HELB: variants seen among roughly 807,000 people sequenced by gnomAD.
HELB encodes DNA 5'-3' helicase B.
Under a neutral mutation model 101.7 loss-of-function variants are expected in HELB, and 96 were observed. The ratio of observed to expected loss-of-function variants is 0.94; its 90% CI spans 0.80 to 1.12. The LOEUF (loss-of-function observed/expected upper bound fraction) is 1.12, where lower values mean the gene tolerates loss of function less well. Among genes scored for constraint, HELB ranks in the 50% most tolerant of loss-of-function variants. The probability of loss-of-function intolerance (pLI) is 0.00; values close to 1 mark genes in which losing one functional copy is unlikely to be tolerated. For synonymous variants in HELB, 437 were observed against 459.7 expected, an observed-to-expected ratio of 0.95 and a Z score of 0.63; for missense variants, 1,210 against 1,291.9, an observed-to-expected ratio of 0.94 and a Z score of 0.97.
chr12:66,316,562 A>T (rs1478615984), intron 6 of HELB, among the ~76,000 whole-genome samples: 1 of 120,156 alleles, frequency 8.3e-6, no homozygotes, highest in Non-Finnish European at 1.8e-5. Context: ...ATAGCTGATA[A>T]GCTAAAATAA....
intron 4 of HELB, 28 bp downstream of exon 4, chr12:66,310,636 A>T: frequency 6.3e-7 from 1 of 1,583,732 alleles, no homozygotes; most frequent in Middle Eastern, 1.7e-4. Flanking sequence ...TCATCTGTAG[A>T]TAAAACATTT....
intron 7 of HELB, among the ~76,000 whole-genome samples, chr12:66,319,401 A>C (rs975765679): frequency 6.6e-6 from 1 of 152,208 alleles, no homozygotes; most frequent in Non-Finnish European, 1.5e-5. Context: ...CATTTGTAAA[A>C]TGGGAACCAT....
At chr12:66,320,199 T>A (rs1332396009) in intron 7 of HELB, among the ~76,000 whole-genome samples, 6 of 148,660 alleles carry the variant, frequency 4.0e-5, no homozygotes, top group East Asian at 2.0e-4. Context: ...TTATACTCTT[T>A]AAAAAAAAAA....
At chr12:66,333,971 G>A (rs941751945) in intron 12 of HELB, among the ~76,000 whole-genome samples, 4 of 151,948 alleles carry the variant, frequency 2.6e-5, no homozygotes, top group African/African-American at 9.7e-5. Context: ...ACCAGCCTGG[G>A]TAATATGGTG....
intron 4 of HELB, among the ~76,000 whole-genome samples, chr12:66,313,071 G>T (rs1232750061): frequency 6.6e-6 from 1 of 152,126 alleles, no homozygotes; most frequent in Admixed American, 6.6e-5. Flanking sequence ...TAAGAGAAAA[G>T]AAATGGCTAA....
intron 12 of HELB, among the ~76,000 whole-genome samples, chr12:66,335,124 G>A (rs1005064599): frequency 5.3e-5 from 8 of 152,294 alleles, no homozygotes; most frequent in Middle Eastern, 3.4e-3. Flanking sequence ...GCGTTCTCTT[G>A]TGGCGTGCTG....
chr12:66,316,478 GTC>G (rs1429897043), intron 6 of HELB, among the ~76,000 whole-genome samples: 2 of 152,030 alleles, frequency 1.3e-5, no homozygotes, highest in Admixed American at 6.6e-5. Flanking sequence ...AGGGTGTCCA[GTC>G]TTTTGGCTTC....
chr12:66,318,759 A>G lies in HELB; in HGVS notation c.2122A>G (p.Ser708Gly). The G allele has an allele frequency of 1.2e-6, 2 of 1,610,070 alleles. No homozygotes were observed. The highest frequency in any genetic ancestry group is 2.2e-5 in the East Asian group (1 of 44,670). Reference sequence around the variant, plus strand: ...TGTCAGGCTCCCAGAAGAGGATGCCAGTTCTCAGTCATCTAAAACTAATCA... The same window carrying G: ...TGTCAGGCTCCCAGAAGAGGATGCCGGTTCTCAGTCATCTAAAACTAATCA... ...IFVRLPEEDASSQSSKTNHHS... is the reference protein window; with the variant it reads ...IFVRLPEEDAGSQSSKTNHHS... Residue 708 changes from serine (S) to glycine (G), a missense_variant, in exon 7 of 13, where the codon AGT becomes GGT. Transcript: ENST00000247815.
chr12:66,309,771 G>A lies in HELB; in HGVS notation c.843G>A (p.Glu281=). ...EASWIAFCQC[E]SLLQLMTDLE... ...GTTGGATAGCATTTTGTCAGTGTGA[G>A]TCTCTTCTCCAGCTGATGACTGATT... The change falls in exon 4 of 13, where the codon GAG becomes GAA. Residue 281 remains glutamate, a synonymous_variant. Coordinates refer to ENST00000247815, the MANE Select transcript of HELB (RefSeq NM_001370285.1). 3.1e-6 allele frequency: 5 copies of A among 1,614,094 alleles called. No individual in the cohort carries two copies. The highest frequency in any genetic ancestry group is 4.2e-6 in the Non-Finnish European group (5 of 1,179,964).
rs1248607917 is a variant in HELB at position 66,331,252 on chromosome 12, G to A, written c.2769G>A (p.Val923=). 5 of 1,614,140 alleles carry A rather than the reference G, an allele frequency of 3.1e-6. No individual in the cohort carries two copies. In the African/African-American group the frequency reaches 6.7e-5, roughly 22 times the overall value. The change falls in exon 12 of 13, where the codon GTG becomes GTA. Residue 923 remains valine (V), a synonymous_variant. Coordinates refer to ENST00000247815, the MANE Select transcript of HELB (RefSeq NM_001370285.1). ...YTAVTRGRCR[V]YVIAEESQLR... Reference sequence around the variant, plus strand: ...CCGTGACCAGGGGCCGCTGCCGAGTGTATGTGATTGCAGAGGAGTCTCAGC... The same window carrying A: ...CCGTGACCAGGGGCCGCTGCCGAGTATATGTGATTGCAGAGGAGTCTCAGC...
Position 66,314,039 on chromosome 12 carries a change from A to C in HELB, c.1734A>C (p.Pro578=), listed in dbSNP as rs2053572595. The C allele has an allele frequency of 6.2e-7, 1 of 1,613,846 alleles. No homozygotes were observed. The highest frequency in any genetic ancestry group is 1.1e-5 in the South Asian group (1 of 91,084). The change falls in exon 5 of 13, where the codon CCA becomes CCC. Residue 578 remains proline (P), a synonymous_variant. Transcript: ENST00000247815. ...WTQTMMTTNK[P]WKFSSVRVLV... ...AAACAATGATGACCACAAACAAACC[A>C]TGGAAATTTTCTTCGGTTAGAGTTC...
chr12:66,314,214 T>A (rs769362904), intron 5 of HELB, 51 bp downstream of exon 5: 19 of 1,520,558 alleles, frequency 1.2e-5, no homozygotes, highest in Non-Finnish European at 1.6e-5. Context: ...AGTATTGTGG[T>A]TAGTTGGTTG....
intron 1 of HELB, among the ~76,000 whole-genome samples, chr12:66,303,757 C>T (rs911603548): frequency 3.9e-5 from 6 of 152,122 alleles, no homozygotes; most frequent in Admixed American, 1.3e-4. Flanking sequence ...AAGTAGTTTC[C>T]TGTGCTATGA....
intron 11 of HELB, among the ~76,000 whole-genome samples, chr12:66,325,388 C>G (rs2053725244): frequency 6.6e-6 from 1 of 152,190 alleles, no homozygotes; most frequent in African/African-American, 2.4e-5. Context: ...TCCAGTATGG[C>G]TTGGCATGGC....
At position 66,310,477 on chromosome 12, in the gene HELB, TG is replaced by T. The variant is rs2053530318; in HGVS notation, c.1551del (p.Trp517Ter). 1 of 1,613,992 alleles carries T rather than the reference TG, an allele frequency of 6.2e-7. No homozygotes were observed. Among genetic ancestry groups the T allele is most frequent in the Non-Finnish European group, 8.5e-7 (1 of 1,180,016 alleles). On this transcript the variant is annotated frameshift_variant, in exon 4 of 13. Coordinates refer to ENST00000247815, the MANE Select transcript of HELB (RefSeq NM_001370285.1). LOFTEE classifies it high-confidence loss of function. The stretch of plus-strand genomic sequence containing the variant: ...ACAAGACCAGAATGCTTCAGAAGAA[TG>T]GATTACCTTTACTGAGCAAAGTCAA... Reference protein sequence around the residue: ...FEQDQNASEEWITFTEQSQLE... With the variant: ...FEQDQNASEEXITFTEQSQLE...
At chr12:66,341,641 T>C (rs1183272), downstream of HELB, 76,645 of 151,968 alleles carry the variant, frequency 0.5, 19,882 homozygotes, top group East Asian at 0.58. Flanking sequence ...GTATCTGATA[T>C]GGTTTGGCTC....
chr12:66,306,663 C>T, intron 3 of HELB, 149 bp downstream of exon 3: 1 of 431,954 alleles, frequency 2.3e-6, no homozygotes, highest in Non-Finnish European at 4.1e-6. Flanking sequence ...TGTACATAAA[C>T]TTCTTATGGC....
intron 12 of HELB, among the ~76,000 whole-genome samples, chr12:66,335,977 A>G (rs2053862462): frequency 6.6e-6 from 1 of 152,190 alleles, no homozygotes; most frequent in South Asian, 2.1e-4. Context: ...CTGCACCTGT[A>G]GTAACCTTGT....
chr12:66,324,216 G>A lies in HELB; in HGVS notation c.2526+5G>A, dbSNP rs1235620762. On this transcript the variant is annotated splice_donor_5th_base_variant and intron_variant, in intron 10 of 12. Transcript: ENST00000247815. ...GAGATATTTTTCATAACAAATGTAA[G>A]TGAAAACAGAAGATAATATCTTTTA... 1 of 1,554,190 alleles carries A rather than the reference G, an allele frequency of 6.4e-7. No individual in the cohort carries two copies. The highest frequency in any genetic ancestry group is 1.1e-5 in the South Asian group (1 of 89,770).
Sources: allele counts gnomAD v4.1 joint callset (sites outside exome capture counted in the v4.1 genomes callset), GRCh38; gene constraint gnomAD v4.1.1; transcripts MANE v1.5; gene names NCBI Gene and HGNC (gene_info 2026-07-23, HGNC 2026-07-21).